The following ZC3H15 variants were observed in gnomAD, a reference collection of about 807,000 sequenced individuals.
The protein encoded by ZC3H15 is zinc finger CCCH domain-containing protein 15.
In ZC3H15, 15 loss-of-function variants were observed where a neutral mutation model predicts 51.2. The ratio of observed to expected loss-of-function variants is 0.29; its 90% CI spans 0.20 to 0.45. The LOEUF is 0.45. Among genes scored for constraint, ZC3H15 ranks in the 20% least tolerant of loss-of-function variants. The probability of loss-of-function intolerance (pLI) is 1.00; values close to 1 mark genes in which losing one functional copy is unlikely to be tolerated. For missense variants in ZC3H15, 381 were observed against 494.7 expected (o/e 0.77, Z 2.18); for synonymous variants, 144 against 162.8 (o/e 0.88, Z 0.88).
chr2:186,500,959 C>A (rs757185353), intron 3 of ZC3H15, among the ~76,000 whole-genome samples: 5 of 152,172 alleles, frequency 3.3e-5, no homozygotes, highest in Non-Finnish European at 7.3e-5. Flanking sequence ...AGGTGTGAGC[C>A]ACCATGCCTG....
intron 6 of ZC3H15, among the ~76,000 whole-genome samples, chr2:186,504,748 T>G (rs994108825): frequency 5.9e-5 from 9 of 152,350 alleles, no homozygotes; most frequent in African/African-American, 2.2e-4. Flanking sequence ...AATTTTGAGA[T>G]TATTAGAAAC....
In ZC3H15 at chr2:186,504,026, CTA is replaced by C. The variant is rs1343665916; in HGVS notation, c.535-3_535-2del. 1 of 1,586,812 alleles carries C rather than the reference CTA, an allele frequency of 6.3e-7. No individual in the cohort carries two copies. Among genetic ancestry groups the C allele is most frequent in the East Asian group, 2.3e-5 (1 of 44,328 alleles). ...CCACCGCTTGTGAATAATATTGTCT[CTA>C]TAGGTGTGCAAGCATTTCCTGGAAG... On this transcript the variant is annotated splice_region_variant and splice_polypyrimidine_tract_variant and intron_variant, in intron 5 of 9. Transcript: ENST00000337859.
chr2:186,492,893 T>C (rs1405925542), intron 1 of ZC3H15, among the ~76,000 whole-genome samples: 3 of 152,170 alleles, frequency 2.0e-5, no homozygotes. Flanking sequence ...TGAGAAGACC[T>C]TTTTGCCTCT....
rs1432236809 is a variant in ZC3H15 at position 186,504,155 on chromosome 2, G to A, written c.658G>A (p.Asp220Asn). ...TCCTCCTGGATTTGTGTTGAAAAAA[G>A]ATAAAAAGAAAGAAGAGAAAGAAGA... ...ALPPGFVLKKDKKKEEKEDEI... is the reference protein window; with the variant it reads ...ALPPGFVLKKNKKKEEKEDEI... Residue 220 changes from aspartate (D) to asparagine (N), a missense_variant, in exon 6 of 10, where the codon GAT (aspartate) becomes AAT (asparagine). Asp to Asn is a conservative substitution (Grantham distance 23, BLOSUM62 1). This residue lies in a region of ZC3H15 where 215 missense variants were observed against 241.8 expected (regional missense o/e 0.89). Transcript: ENST00000337859. 6.2e-7 allele frequency: 1 copy of A among 1,609,116 alleles called. No individual in the cohort carries two copies. Among genetic ancestry groups the A allele is most frequent in the Admixed American group, 1.7e-5 (1 of 59,326 alleles).
intron 7 of ZC3H15, 39 bp downstream of exon 7, chr2:186,505,636 C>T (rs1449508033): frequency 1.3e-6 from 2 of 1,598,002 alleles, no homozygotes; most frequent in Admixed American, 1.7e-5. Context: ...CTTTATTCTT[C>T]CATTTTCAAT....
chr2:186,503,959 C>G (rs1453530541), intron 5 of ZC3H15, 73 bp from the exon 6 acceptor site: 1 of 1,250,466 alleles, frequency 8.0e-7, no homozygotes. Context: ...TATACTTGTT[C>G]CATATACTCA....
At chr2:186,497,463 C>T (rs1685301463) in intron 2 of ZC3H15, among the ~76,000 whole-genome samples, 1 of 152,176 alleles carries the variant, frequency 6.6e-6, no homozygotes, top group African/African-American at 2.4e-5. Flanking sequence ...GCGGGCAGAT[C>T]AGCTGAGACC....
chr2:186,488,536 G>C (rs553250509), intron 1 of ZC3H15: 1 of 152,278 alleles, frequency 6.6e-6, no homozygotes, highest in African/African-American at 2.4e-5. Context: ...TCTCTTGTAT[G>C]GGAACCATTA....
chr2:186,486,714 G>T (rs538962779), intron 1 of ZC3H15, among the ~76,000 whole-genome samples: 3 of 146,800 alleles, frequency 2.0e-5, no homozygotes, highest in Admixed American at 6.8e-5. Context: ...ACCCGGGTGC[G>T]AAATGACCCC....
chr2:186,500,505 A>G lies in ZC3H15; in HGVS notation c.289+212A>G, dbSNP rs11888324. Reference sequence around the variant, plus strand: ...TTGTACAGCTGAACTGCAGCCATGCACCCCACACTTAAGGCAAAATTAGTA... The same window carrying G: ...TTGTACAGCTGAACTGCAGCCATGCGCCCCACACTTAAGGCAAAATTAGTA... On this transcript the variant is annotated intron_variant, in intron 3 of 9. Coordinates refer to ENST00000337859, the MANE Select transcript of ZC3H15 (RefSeq NM_018471.3). The G allele has an allele frequency of 6.5e-3, 4,320 of 660,306 alleles. 116 individuals are homozygous for G. The African/African-American group carries it at 0.067, about 10-fold the overall frequency. The allele number at this position is 660,306 out of a possible 1,614,324, so 40.9% of individuals were successfully genotyped here.
In ZC3H15 at chr2:186,508,840, A is replaced by G. The variant is rs1226314058; in HGVS notation, c.*107A>G. ...AACAGGATGTTTATTTCCTATGCTGATTCTGGAGGAGTTAACCTCCTGCAA... is the reference window on the plus strand; with the variant it reads ...AACAGGATGTTTATTTCCTATGCTGGTTCTGGAGGAGTTAACCTCCTGCAA... On this transcript the variant is annotated 3_prime_UTR_variant, in exon 10 of 10. Transcript: ENST00000337859. The G allele has an allele frequency of 7.9e-7, 1 of 1,272,958 alleles. No individual in the cohort carries two copies. The highest frequency in any genetic ancestry group is 2.3e-5 in the Admixed American group (1 of 44,148). The allele number at this position is 1,272,958 out of a possible 1,614,324, so 78.9% of individuals were successfully genotyped here. A position where few individuals can be genotyped will look rare whatever the true frequency, so the allele number is the denominator to read the frequency against.
chr2:186,493,367 A>G (rs1451872887), intron 1 of ZC3H15, among the ~76,000 whole-genome samples: 3 of 152,104 alleles, frequency 2.0e-5, no homozygotes, highest in Non-Finnish European at 4.4e-5. Flanking sequence ...GGAAGCTAGT[A>G]AGTCTGTACA....
intron 1 of ZC3H15, 78 bp downstream of exon 1, chr2:186,486,535 C>A: frequency 6.9e-7 from 1 of 1,456,424 alleles, no homozygotes; most frequent in Non-Finnish European, 9.2e-7. Flanking sequence ...TCCCTGGGAG[C>A]CGGCTCGCTT....
At chr2:186,507,448 A>T in intron 9 of ZC3H15, 1 of 456,676 alleles carries the variant, frequency 2.2e-6, no homozygotes, top group Non-Finnish European at 4.4e-6. Flanking sequence ...ACCTAAATGT[A>T]TCTGTAGCTC....
chr2:186,494,619 A>G (rs1010762125), intron 1 of ZC3H15, among the ~76,000 whole-genome samples: 2 of 152,228 alleles, frequency 1.3e-5, no homozygotes, highest in East Asian at 1.9e-4. Context: ...TTATCCCAAT[A>G]TAAGAACTTT....
In ZC3H15 at chr2:186,505,745, T is replaced by C; in HGVS notation, c.870T>C (p.Ser290=). 1 of 1,614,082 alleles carries C rather than the reference T, an allele frequency of 6.2e-7. No homozygotes were observed. Among genetic ancestry groups the C allele is most frequent in the South Asian group, 1.1e-5 (1 of 91,064 alleles). The change falls in exon 8 of 10, where the codon AGT becomes AGC. Residue 290 remains serine, a synonymous_variant. Transcript: ENST00000337859. ...DFKAGKALVI[S]GREVFEFRPE... is the part of the protein sequence containing the mutation. ...ATATTTGTGTGTCTCAATAGATCAG[T>C]GGTCGTGAAGTGTTTGAATTTCGTC...
intron 8 of ZC3H15, chr2:186,506,075 T>C (rs1295297134): frequency 1.6e-6 from 1 of 611,470 alleles, no homozygotes; most frequent in Admixed American, 2.2e-5. Flanking sequence ...TAGTTCTTTA[T>C]ACAGCTTAGG....
intron 9 of ZC3H15, 129 bp downstream of exon 9, chr2:186,506,965 A>G: frequency 9.7e-7 from 1 of 1,034,730 alleles, no homozygotes; most frequent in Non-Finnish European, 1.4e-6. Context: ...TTGACCATAA[A>G]TAAAAGCAGT....
At position 186,487,778 on chromosome 2, in the gene ZC3H15, C is replaced by G. The variant is rs553246496; in HGVS notation, c.75+1321C>G. 5.6e-4 allele frequency among the ~76,000 whole-genome samples: 85 copies of G among 152,188 alleles called. 1 individual carries two copies. Among genetic ancestry groups the G allele is most frequent in the Non-Finnish European group, 9.9e-4 (67 of 68,014 alleles). The stretch of plus-strand genomic sequence containing the variant: ...TTTTCCTCGAGATTGGACCCTGATA[C>G]GAAGTAAAACTCCCATTGAAATTAA... On this transcript the variant is annotated intron_variant, in intron 1 of 9. Transcript: ENST00000337859.
Sources: allele counts gnomAD v4.1 joint callset (sites outside exome capture counted in the v4.1 genomes callset), GRCh38; gene constraint gnomAD v4.1.1; regional missense constraint gnomAD v4.1.1; transcripts MANE v1.5; gene names NCBI Gene and HGNC (gene_info 2026-07-23, HGNC 2026-07-21).